Variants in CPA6 observed in about 807,000 individuals in gnomAD.
The protein encoded by CPA6 is carboxypeptidase B.
Under a neutral mutation model 63.3 loss-of-function variants are expected in CPA6, and 58 were observed. The observed-to-expected ratio is 0.92, with a 90% CI of 0.74 to 1.14. CPA6 has a LOEUF of 1.14. CPA6 is among the 50% of genes most tolerant of loss of function. The pLI, the probability that CPA6 is intolerant of heterozygous loss-of-function variation, is 0.00. For synonymous variants in CPA6, 185 were observed against 179.0 expected, an observed-to-expected ratio of 1.03 and a Z score of -0.27; for missense variants, 565 against 526.6, an observed-to-expected ratio of 1.07 and a Z score of -0.71.
Position 67,643,956 on chromosome 8 carries a change from T to G in CPA6, c.117-19705A>C, listed in dbSNP as rs10089689. ...TTATAACAACGTGGGTTTACTACAC[T>G]GAAAGAATTAACACTTATCCTGAGA... On this transcript the variant is annotated intron_variant, in intron 1 of 10. Coordinates refer to ENST00000297770, the MANE Select transcript of CPA6 (RefSeq NM_020361.5). Among the ~76,000 whole-genome samples, 547 of 151,948 alleles carry G rather than the reference T, an allele frequency of 3.6e-3. 3 individuals carry two copies. The highest frequency in any genetic ancestry group is 0.012 in the African/African-American group (505 of 41,420).
intron 2 of CPA6, among the ~76,000 whole-genome samples, chr8:67,529,126 A>G (rs191320452): frequency 3.3e-5 from 5 of 152,152 alleles, no homozygotes; most frequent in African/African-American, 1.2e-4. Context: ...ATGGATCCCA[A>G]CTTGATGTTC....
chr8:67,702,645 G>A (rs1587713582), intron 1 of CPA6, among the ~76,000 whole-genome samples: 1 of 152,152 alleles, frequency 6.6e-6, no homozygotes, highest in East Asian at 1.9e-4. Context: ...GTGTTTAACT[G>A]GTATATGGCC....
At chr8:67,479,169 C>A (rs1452376360) in intron 8 of CPA6, among the ~76,000 whole-genome samples, 2 of 152,192 alleles carry the variant, frequency 1.3e-5, no homozygotes, top group Non-Finnish European at 2.9e-5. Flanking sequence ...TCCAGACCCA[C>A]CAAAGAAGAA....
intron 8 of CPA6, among the ~76,000 whole-genome samples, chr8:67,475,834 T>G: frequency 1.3e-5 from 1 of 76,652 alleles, no homozygotes; most frequent in East Asian, 3.4e-4. Flanking sequence ...TTTCTTTCTT[T>G]CTTTCTTTCT....
Position 67,483,793 on chromosome 8 carries a change from A to G in CPA6, c.813T>C (p.Asn271=), listed in dbSNP as rs200216386. The change falls in exon 8 of 11, where the codon AAT becomes AAC. Residue 271 remains asparagine (N), a synonymous_variant. Transcript: ENST00000297770. ...CACACCACTTCACTTTCCAGTTTCT[A>G]TTGGCATCCACTCCACGGCAGCGAA... ...SRFRCRGVDA[N]RNWKVKWCDE... is the part of the protein sequence containing the mutation. The G allele has an allele frequency of 2.9e-5, 47 of 1,613,982 alleles. No homozygotes were observed. In the East Asian group the frequency reaches 7.8e-4, roughly 27 times the overall value.
At chr8:67,565,867 C>T (rs747080823) in intron 2 of CPA6, among the ~76,000 whole-genome samples, 7 of 152,206 alleles carry the variant, frequency 4.6e-5, no homozygotes, top group Non-Finnish European at 8.8e-5. Context: ...AAATATCAGA[C>T]TCCTCGTATG....
At chr8:67,596,855 A>T (rs1395191857) in intron 2 of CPA6, among the ~76,000 whole-genome samples, 1 of 152,160 alleles carries the variant, frequency 6.6e-6, no homozygotes, top group Non-Finnish European at 1.5e-5. Flanking sequence ...CAGGCCAAAT[A>T]TTTAAAACAA....
intron 1 of CPA6, among the ~76,000 whole-genome samples, chr8:67,731,992 T>C (rs544787694): frequency 6.6e-6 from 1 of 152,118 alleles, no homozygotes; most frequent in Non-Finnish European, 1.5e-5. Context: ...TGGTAAAAGG[T>C]AATGGCTAAT....
At chr8:67,588,868 G>C (rs1814022087) in intron 2 of CPA6, among the ~76,000 whole-genome samples, 1 of 152,124 alleles carries the variant, frequency 6.6e-6, no homozygotes, top group South Asian at 2.1e-4. Flanking sequence ...GGCCAGGGGT[G>C]GTGGCTCATG....
At chr8:67,726,801 T>A (rs1421208557) in intron 1 of CPA6, among the ~76,000 whole-genome samples, 1 of 152,226 alleles carries the variant, frequency 6.6e-6, no homozygotes, top group Non-Finnish European at 1.5e-5. Flanking sequence ...AGTATCTATG[T>A]GACACGCAGC....
intron 2 of CPA6, among the ~76,000 whole-genome samples, chr8:67,548,410 C>T (rs866521265): frequency 1.3e-5 from 2 of 151,356 alleles, no homozygotes; most frequent in Non-Finnish European, 3.0e-5. Context: ...TGCCACCATG[C>T]CTGGCTAATA....
chr8:67,575,985 A>G (rs1028055209), intron 2 of CPA6, among the ~76,000 whole-genome samples: 8 of 152,322 alleles, frequency 5.3e-5, no homozygotes, highest in African/African-American at 1.9e-4. Context: ...TATTGAAAAC[A>G]ATTGAATTCA....
chr8:67,666,253 T>A (rs1156398533), intron 1 of CPA6, among the ~76,000 whole-genome samples: 1 of 152,156 alleles, frequency 6.6e-6, no homozygotes, highest in Non-Finnish European at 1.5e-5. Context: ...TGTGGGAACT[T>A]ATGTAAAGGA....
chr8:67,580,192 C>T (rs760647742), intron 2 of CPA6, among the ~76,000 whole-genome samples: 3 of 152,220 alleles, frequency 2.0e-5, no homozygotes, highest in Non-Finnish European at 4.4e-5. Flanking sequence ...TACCCTCCCC[C>T]TTCTCTAATG....
intron 2 of CPA6, among the ~76,000 whole-genome samples, chr8:67,599,486 C>T (rs535534899): frequency 1.5e-4 from 23 of 152,274 alleles, no homozygotes; most frequent in East Asian, 5.8e-4. Flanking sequence ...GGTGATTCCC[C>T]GTGTGCTTCC....
intron 1 of CPA6, among the ~76,000 whole-genome samples, chr8:67,728,515 G>A (rs959409194): frequency 6.6e-6 from 1 of 152,070 alleles, no homozygotes; most frequent in East Asian, 1.9e-4. Flanking sequence ...TGAACACATA[G>A]GTAGCATCCC....
At chr8:67,697,895 G>A (rs994431331) in intron 1 of CPA6, among the ~76,000 whole-genome samples, 2 of 152,150 alleles carry the variant, frequency 1.3e-5, no homozygotes, top group Admixed American at 6.5e-5. Context: ...GTCTGTGTGT[G>A]TAACTTTTAT....
At chr8:67,471,659 C>A (rs1211462185) in intron 8 of CPA6, among the ~76,000 whole-genome samples, 2 of 152,040 alleles carry the variant, frequency 1.3e-5, no homozygotes, top group African/African-American at 4.8e-5. Flanking sequence ...ATTCAGCATA[C>A]CTCAGCGTTT....
At chr8:67,667,667 C>G (rs1266976782) in intron 1 of CPA6, among the ~76,000 whole-genome samples, 1 of 152,174 alleles carries the variant, frequency 6.6e-6, no homozygotes, top group African/African-American at 2.4e-5. Context: ...AATTCAATTT[C>G]TAACCCACTG....
Sources: gnomAD v4.1 joint callset for allele counts (sites outside exome capture counted in the v4.1 genomes callset) on GRCh38, gnomAD v4.1.1 for gene constraint, MANE v1.5 for transcripts, NCBI Gene and HGNC (gene_info 2026-07-23, HGNC 2026-07-21) for gene names.